Variants in LRFN2 observed in about 807,000 individuals in gnomAD.
LRFN2 encodes leucine-rich repeat and fibronectin type-III domain-containing protein 2.
A neutral mutation model predicts 37.3 loss-of-function variants in LRFN2; 18 were observed. The observed-to-expected ratio is 0.48, with a 90% CI of 0.33 to 0.72. The LOEUF is 0.72. Ranked by LOEUF, LRFN2 falls within the 30% of genes least tolerant of loss-of-function variation. The probability of loss-of-function intolerance (pLI) is 0.02; values close to 1 mark genes in which losing one functional copy is unlikely to be tolerated. For missense variants in LRFN2, 1,006 were observed against 1,060.7 expected, an observed-to-expected ratio of 0.95 and a Z score of 0.72; for synonymous variants, 556 against 466.6, an observed-to-expected ratio of 1.19 and a Z score of -2.47.
rs1039765383 is a variant in LRFN2, at chr6:40,473,105, C to A, written c.-18-39974G>T. Among the ~76,000 whole-genome samples, 4 of 152,168 alleles carry A rather than the reference C, an allele frequency of 2.6e-5. No individual in the cohort carries two copies. The East Asian group carries it at 7.7e-4, about 29-fold the overall frequency. On this transcript the variant is annotated intron_variant, in intron 1 of 2. Transcript: ENST00000338305. Reference sequence around the variant, plus strand: ...CCACGCCTCCAGATCCCTCCTCTTACCTTCTTGCTCCCCAAGATAGGTGAT... The same window carrying A: ...CCACGCCTCCAGATCCCTCCTCTTAACTTCTTGCTCCCCAAGATAGGTGAT...
At chr6:40,549,528 G>A (rs1031902429) in intron 1 of LRFN2, among the ~76,000 whole-genome samples, 2 of 152,182 alleles carry the variant, frequency 1.3e-5, no homozygotes, top group Non-Finnish European at 2.9e-5. Flanking sequence ...GGCCCATTGA[G>A]AGAAAAGAGA....
intron 1 of LRFN2, among the ~76,000 whole-genome samples, chr6:40,490,041 A>T (rs1765052632): frequency 6.6e-6 from 1 of 152,106 alleles, no homozygotes; most frequent in Non-Finnish European, 1.5e-5. Flanking sequence ...TGGAGCCCGG[A>T]GCCCAGCACC....
chr6:40,496,319 G>A (rs1028559137), intron 1 of LRFN2, among the ~76,000 whole-genome samples: 6 of 152,106 alleles, frequency 3.9e-5, no homozygotes, highest in African/African-American at 1.4e-4. Context: ...GCAGCAAGAG[G>A]GACCCATCTA....
At chr6:40,434,510 A>C in intron 1 of LRFN2, among the ~76,000 whole-genome samples, 1 of 144,054 alleles carries the variant, frequency 6.9e-6, no homozygotes. Context: ...ACGGAGTCTC[A>C]CTCTGTCTCC....
chr6:40,531,325 A>G (rs965798837), intron 1 of LRFN2, among the ~76,000 whole-genome samples: 1 of 152,188 alleles, frequency 6.6e-6, no homozygotes, highest in Non-Finnish European at 1.5e-5. Flanking sequence ...TATTGATGTG[A>G]GCACATCATG....
Position 40,518,147 on chromosome 6 carries a change from A to T in LRFN2, c.-19+68794T>A, listed in dbSNP as rs558382154. Among the ~76,000 whole-genome samples the T allele has an allele frequency of 3.9e-5, 6 of 152,308 alleles. No individual in the cohort carries two copies. The East Asian group carries it at 7.7e-4, about 20-fold the overall frequency. ...CTGGGCCTCAGTTTCTTCACTGTCA[A>T]ATAATAGGCTTCAATTAGACAACAA... On this transcript the variant is annotated intron_variant, in intron 1 of 2. Transcript: ENST00000338305.
Position 40,392,881 on chromosome 6 carries a change from C to T in LRFN2, c.1432G>A (p.Val478Ile). The T allele has an allele frequency of 6.2e-7, 1 of 1,612,108 alleles. No homozygotes were observed. The highest frequency in any genetic ancestry group is 8.5e-7 in the Non-Finnish European group (1 of 1,179,084). Reference protein sequence around the residue: ...MIPASNKAFVVNNLVSGTGYD... With the variant: ...MIPASNKAFVINNLVSGTGYD... ...CCAGTCCCTGACACCAGGTTGTTGA[C>T]CACGAAGGCCTTGTTGGAGGCTGGG... Residue 478 changes from valine (V) to isoleucine (I), a missense_variant, in exon 3 of 3, where the codon GTC (valine) becomes ATC (isoleucine). Transcript: ENST00000338305. This position sits in a 1 kb window ranked among gnomAD's most constrained non-coding sequence, Gnocchi z 4.7.
chr6:40,421,312 T>A (rs1763224317), intron 2 of LRFN2, among the ~76,000 whole-genome samples: 1 of 152,214 alleles, frequency 6.6e-6, no homozygotes. Flanking sequence ...GACATGCCCA[T>A]GATGCAGCCT....
At chr6:40,464,383 T>G (rs1764412341) in intron 1 of LRFN2, among the ~76,000 whole-genome samples, 1 of 152,142 alleles carries the variant, frequency 6.6e-6, no homozygotes, top group Non-Finnish European at 1.5e-5. Context: ...TTAAGGTGAT[T>G]AGGTTATGAT....
intron 1 of LRFN2, among the ~76,000 whole-genome samples, chr6:40,537,547 A>G (rs1417679643): frequency 2.0e-5 from 3 of 152,140 alleles, no homozygotes; most frequent in Non-Finnish European, 4.4e-5. Flanking sequence ...TGCCTCTTCA[A>G]CGCTTCTCCA....
intron 1 of LRFN2, among the ~76,000 whole-genome samples, chr6:40,452,506 C>T (rs1764133725): frequency 6.6e-6 from 1 of 152,202 alleles, no homozygotes; most frequent in Non-Finnish European, 1.5e-5. Flanking sequence ...TACTTCAGAG[C>T]ATCCTGACAT....
chr6:40,542,587 G>A (rs1282166596), intron 1 of LRFN2, among the ~76,000 whole-genome samples: 3 of 152,118 alleles, frequency 2.0e-5, no homozygotes, highest in Non-Finnish European at 2.9e-5. Context: ...GCCAGTGGGG[G>A]CTCTGCACCC....
At chr6:40,518,590 T>C (rs1765954430) in intron 1 of LRFN2, among the ~76,000 whole-genome samples, 2 of 152,168 alleles carry the variant, frequency 1.3e-5, no homozygotes, top group African/African-American at 4.8e-5. Flanking sequence ...AAGCACCTAG[T>C]AATGCCCCAG....
chr6:40,510,099 T>C (rs1765661383), intron 1 of LRFN2, among the ~76,000 whole-genome samples: 1 of 151,058 alleles, frequency 6.6e-6, no homozygotes, highest in Admixed American at 6.6e-5. Context: ...CACTGGGTTG[T>C]TCAGATAAGG....
chr6:40,465,538 T>G (rs144315879), intron 1 of LRFN2, among the ~76,000 whole-genome samples: 257 of 152,292 alleles, frequency 1.7e-3, no homozygotes, highest in African/African-American at 5.9e-3. Context: ...CTTCTTACTC[T>G]CAGATCCTGA....
chr6:40,524,095 G>A (rs1766172069), intron 1 of LRFN2, among the ~76,000 whole-genome samples: 1 of 152,202 alleles, frequency 6.6e-6, no homozygotes, highest in African/African-American at 2.4e-5. Context: ...TGAACAACAG[G>A]GGTACAGGAA....
At chr6:40,404,979 G>A (rs1371360890) in intron 2 of LRFN2, among the ~76,000 whole-genome samples, 2 of 152,126 alleles carry the variant, frequency 1.3e-5, no homozygotes, top group African/African-American at 4.8e-5. Flanking sequence ...CTCAGCCTGT[G>A]CCCCAGCCCC....
chr6:40,504,588 A>G (rs2113878817), intron 1 of LRFN2, among the ~76,000 whole-genome samples: 1 of 152,288 alleles, frequency 6.6e-6, no homozygotes, highest in Non-Finnish European at 1.5e-5. Flanking sequence ...TCCCCAAGAA[A>G]TCCACTTGAG....
Position 40,452,156 on chromosome 6 carries a change from T to C in LRFN2, c.-18-19025A>G, listed in dbSNP as rs75719091. Among the ~76,000 whole-genome samples, 43 of 152,304 alleles carry C rather than the reference T, an allele frequency of 2.8e-4. No individual in the cohort carries two copies. In the East Asian group the frequency reaches 7.9e-3, roughly 28 times the overall value. ...CGAAGTGTCCAATCTTACCACCCAG[T>C]GAAGGTCTTCCAAGAATCAAGGGCA... On this transcript the variant is annotated intron_variant, in intron 1 of 2. Transcript: ENST00000338305.
Sources: allele counts gnomAD v4.1 joint callset (sites outside exome capture counted in the v4.1 genomes callset), GRCh38; gene constraint gnomAD v4.1.1; non-coding constraint Gnocchi (gnomAD v3.1); transcripts MANE v1.5; gene names NCBI Gene and HGNC (gene_info 2026-07-23, HGNC 2026-07-21).